KDM6A: variants seen among roughly 807,000 people sequenced by gnomAD.
The protein encoded by KDM6A is lysine demethylase 6A.
A neutral mutation model predicts 117.6 loss-of-function variants in KDM6A; 11 were observed. That is an observed-to-expected ratio of 0.09 (90% confidence interval 0.06 to 0.15). KDM6A has a LOEUF of 0.15. Ranked by LOEUF, KDM6A falls within the 10% of genes least tolerant of loss-of-function variation. KDM6A has a pLI of 1.00. For missense variants in KDM6A, 799 were observed against 1,077.3 expected, an observed-to-expected ratio of 0.74 and a Z score of 3.62; for synonymous variants, 384 against 396.1, an observed-to-expected ratio of 0.97 and a Z score of 0.36.
chrX:45,111,471 G>A lies in KDM6A; in HGVS notation c.*60G>A. The A allele has an allele frequency of 2.0e-6, 2 of 981,109 alleles. No homozygotes were observed. Among genetic ancestry groups the A allele is most frequent in the Admixed American group, 2.2e-5 (1 of 45,201 alleles). The allele number at this position is 981,109 out of a possible 1,213,427, so 80.9% of individuals were successfully genotyped here. Reference sequence around the variant, plus strand: ...GCTATTCAGGAAATAACCCAGTTCTGCACCACTGGTTTTTGTAGCTATCTC... The same window carrying A: ...GCTATTCAGGAAATAACCCAGTTCTACACCACTGGTTTTTGTAGCTATCTC... On this transcript the variant is annotated 3_prime_UTR_variant, in exon 30 of 30. Transcript: ENST00000611820.
At chrX:45,042,182 A>G (rs2043268852) in intron 8 of KDM6A, among the ~76,000 whole-genome samples, 1 of 101,732 alleles carries the variant, frequency 9.8e-6, no homozygotes, top group African/African-American at 3.7e-5. Flanking sequence ...GGGAGGTTGC[A>G]GTGAGCCGAG....
At chrX:45,020,853 T>C (rs1306339606) in intron 6 of KDM6A, 123 bp downstream of exon 6, 1 of 806,073 alleles carries the variant, frequency 1.2e-6, no homozygotes, top group African/African-American at 2.1e-5. Context: ...AAAGAAAATT[T>C]GAAAATTCAG....
chrX:44,937,564 A>G (rs2037046422), intron 2 of KDM6A, among the ~76,000 whole-genome samples: 1 of 111,797 alleles, frequency 8.9e-6, no homozygotes, highest in South Asian at 3.7e-4. Flanking sequence ...AACTGTGCGC[A>G]TGTGCAATAG....
intron 21 of KDM6A, 150 bp downstream of exon 21, chrX:45,079,501 A>ATACG: frequency 2.3e-6 from 1 of 428,835 alleles, no homozygotes; most frequent in East Asian, 4.1e-5. Context: ...TCGTATGTAT[A>ATACG]TATGTATGTA....
In KDM6A at chrX:45,020,603, C is replaced by T. The variant is rs375045349; in HGVS notation, c.444-7C>T. On this transcript the variant is annotated splice_polypyrimidine_tract_variant and splice_region_variant and intron_variant, in intron 5 of 29. Coordinates refer to ENST00000611820, the MANE Select transcript of KDM6A (RefSeq NM_001291415.2). ...AGTTAAGATATCTTATGTCTATATT[C>T]TTTCAGGGCAATTAAAGCATTTCAG... 207 of 1,205,904 alleles carry T rather than the reference C, an allele frequency of 1.7e-4. No individual in the cohort carries two copies. Among genetic ancestry groups the T allele is most frequent in the Non-Finnish European group, 2.2e-4 (194 of 892,046 alleles).
chrX:44,885,347 G>A (rs764080226), intron 2 of KDM6A, among the ~76,000 whole-genome samples: 8 of 109,811 alleles, frequency 7.3e-5, no homozygotes, highest in Admixed American at 9.9e-5. Context: ...TCTCAAATCC[G>A]TTTCCCTCCA....
At chrX:44,894,939 G>A (rs1435281290) in intron 2 of KDM6A, among the ~76,000 whole-genome samples, 5 of 109,376 alleles carry the variant, frequency 4.6e-5, no homozygotes, top group Non-Finnish European at 7.6e-5. Flanking sequence ...GCTAGTTTTT[G>A]TATTTTTAGT....
intron 2 of KDM6A, among the ~76,000 whole-genome samples, chrX:44,909,486 A>G (rs1328674287): frequency 1.8e-5 from 2 of 109,710 alleles, no homozygotes; most frequent in Non-Finnish European, 3.8e-5. Context: ...TCACCCCCCC[A>G]CCCAAATGAT....
chrX:45,095,781 GT>G (rs1338319368), intron 27 of KDM6A, among the ~76,000 whole-genome samples: 6 of 111,951 alleles, frequency 5.4e-5, no homozygotes, highest in Non-Finnish European at 1.1e-4. Context: ...CACTTCTCTT[GT>G]TGAGGTCACC....
chrX:44,959,384 G>A (rs1409402964), intron 2 of KDM6A, among the ~76,000 whole-genome samples: 1 of 109,203 alleles, frequency 9.2e-6, no homozygotes, highest in Admixed American at 1.0e-4. Flanking sequence ...GATGATCAAG[G>A]CAGTGGCATG....
chrX:44,992,206 CTTTTTTTTTTTTTTTTTTTTTT>C (rs779979560), intron 4 of KDM6A, among the ~76,000 whole-genome samples: 39 of 32,062 alleles, frequency 1.2e-3, no homozygotes, highest in African/African-American at 3.4e-3. Flanking sequence ...CTGTCTTCTT[CTTTTTTTTTTTTTTTTTTTTTT>C]TTTTTTTTTT....
chrX:44,951,414 T>C (rs2037993359), intron 2 of KDM6A, among the ~76,000 whole-genome samples: 1 of 111,922 alleles, frequency 8.9e-6, no homozygotes, highest in Non-Finnish European at 1.9e-5. Flanking sequence ...TATTATTTTA[T>C]ACATATACAT....
At chrX:44,920,499 C>T (rs1383633989) in intron 2 of KDM6A, among the ~76,000 whole-genome samples, 1 of 107,469 alleles carries the variant, frequency 9.3e-6, no homozygotes, top group African/African-American at 3.4e-5. Context: ...AGTGCAGTGG[C>T]GCAGTCTCCG....
intron 4 of KDM6A, among the ~76,000 whole-genome samples, chrX:44,987,120 G>A (rs1331200293): frequency 3.6e-5 from 4 of 111,695 alleles, no homozygotes; most frequent in Admixed American, 9.5e-5. Flanking sequence ...ATATATTTAG[G>A]ATAGTTAGCT....
chrX:44,878,201 C>T (rs2031882277), intron 2 of KDM6A, among the ~76,000 whole-genome samples: 1 of 110,951 alleles, frequency 9.0e-6, no homozygotes, highest in African/African-American at 3.3e-5. Flanking sequence ...ATCTGAAAAT[C>T]TGAATTCCAA....
At chrX:44,886,576 G>C (rs925707099) in intron 2 of KDM6A, among the ~76,000 whole-genome samples, 8 of 100,758 alleles carry the variant, frequency 7.9e-5, no homozygotes, top group Non-Finnish European at 1.4e-4. Flanking sequence ...TGCAAATTCT[G>C]CCTCCCGGGT....
At position 44,922,027 on chromosome X, in the gene KDM6A, C is replaced by CTTTTTTTTTTTTTTTTTTTT. The variant is rs1412985730; in HGVS notation, c.226-39257_226-39256insTTTTTTTTTTTTTTTTTTTT. Reference sequence around the variant, plus strand: ...ATGCTGATAAAATTCATTGTGTGTGCCTTTTTTTTTTTTTTTTTTTTTTTT... The same window carrying CTTTTTTTTTTTTTTTTTTTT: ...ATGCTGATAAAATTCATTGTGTGTGCTTTTTTTTTTTTTTTTTTTTCTTTTTTTTTTTTTTTTTTTTTTTT... On this transcript the variant is annotated intron_variant, in intron 2 of 29. Transcript: ENST00000611820. Among the ~76,000 whole-genome samples, 302 of 37,714 alleles carry CTTTTTTTTTTTTTTTTTTTT rather than the reference C, an allele frequency of 8.0e-3. 144 individuals carry two copies. The highest frequency in any genetic ancestry group is 0.01 in the Non-Finnish European group (244 of 24,397). The allele number at this position is 37,714 out of a possible 115,157, so 32.8% of individuals were successfully genotyped here.
At chrX:45,003,376 T>C in intron 4 of KDM6A, among the ~76,000 whole-genome samples, 1 of 104,060 alleles carries the variant, frequency 9.6e-6, no homozygotes, top group East Asian at 3.1e-4. Context: ...TTTTAGTGGT[T>C]AATGTTGAAT....
intron 6 of KDM6A, among the ~76,000 whole-genome samples, chrX:45,034,202 T>G (rs929517949): frequency 9.0e-6 from 1 of 111,699 alleles, no homozygotes; most frequent in Non-Finnish European, 1.9e-5. Flanking sequence ...AAACTAGATA[T>G]TAAATGTCAC....
Sources: gnomAD v4.1 joint callset for allele counts (sites outside exome capture counted in the v4.1 genomes callset) on GRCh38, gnomAD v4.1.1 for gene constraint, MANE v1.5 for transcripts, NCBI Gene and HGNC (gene_info 2026-07-23, HGNC 2026-07-21) for gene names.